Variants in SNTG1 observed in about 807,000 individuals in gnomAD.
SNTG1 encodes syntrophin gamma 1.
In SNTG1, 39 loss-of-function variants were observed where a neutral mutation model predicts 74.7. The ratio of observed to expected loss-of-function variants is 0.52; its 90% CI spans 0.40 to 0.68. The LOEUF is 0.68. Among genes scored for constraint, SNTG1 ranks in the 30% least tolerant of loss-of-function variants. The probability of loss-of-function intolerance (pLI) is 0.00; values close to 1 mark genes in which losing one functional copy is unlikely to be tolerated. For synonymous variants in SNTG1, 254 were observed against 217.1 expected (o/e 1.17, Z -1.49); for missense variants, 685 against 609.5 (o/e 1.12, Z -1.30).
At chr8:50,345,513 T>G (rs2130962787) in intron 2 of SNTG1, among the ~76,000 whole-genome samples, 1 of 152,272 alleles carries the variant, frequency 6.6e-6, no homozygotes. Flanking sequence ...GAATCATATT[T>G]CCACTGTGCC....
chr8:49,974,568 G>A (rs553980532), intron 1 of SNTG1, among the ~76,000 whole-genome samples: 1 of 152,062 alleles, frequency 6.6e-6, no homozygotes, highest in African/African-American at 2.4e-5. Flanking sequence ...AGAGAGCCCT[G>A]GCCTGGCCTA....
At chr8:50,151,532 C>T (rs2082070252) in intron 1 of SNTG1, among the ~76,000 whole-genome samples, 1 of 152,148 alleles carries the variant, frequency 6.6e-6, no homozygotes, top group East Asian at 1.9e-4. Flanking sequence ...TTCCTGCTTT[C>T]TCCTGTGGGC....
intron 1 of SNTG1, among the ~76,000 whole-genome samples, chr8:49,918,608 G>GA (rs57377568): frequency 0.093 from 14,191 of 152,124 alleles, 923 homozygotes; most frequent in South Asian, 0.2. Flanking sequence ...CAAATTGGAG[G>GA]CAGATGTCTT....
chr8:50,105,922 GC>G (rs1406446953), intron 1 of SNTG1, among the ~76,000 whole-genome samples: 2 of 152,022 alleles, frequency 1.3e-5, no homozygotes, highest in Non-Finnish European at 2.9e-5. Flanking sequence ...AGATCTGGAA[GC>G]TTTTGGGTAA....
chr8:50,453,590 C>A (rs1455666682), intron 8 of SNTG1, among the ~76,000 whole-genome samples: 1 of 152,184 alleles, frequency 6.6e-6, no homozygotes, highest in Non-Finnish European at 1.5e-5. Flanking sequence ...ATGAACTAAA[C>A]TTTTCTATCA....
chr8:50,080,067 C>A (rs1305441894), intron 1 of SNTG1, among the ~76,000 whole-genome samples: 1 of 152,016 alleles, frequency 6.6e-6, no homozygotes, highest in Non-Finnish European at 1.5e-5. Flanking sequence ...ATGGCCTTTG[C>A]TGTAATATAA....
intron 18 of SNTG1, among the ~76,000 whole-genome samples, chr8:50,779,877 ATC>A (rs1477427125): frequency 6.6e-6 from 1 of 151,094 alleles, no homozygotes; most frequent in Non-Finnish European, 1.5e-5. Context: ...GATATGTCCC[ATC>A]AATACCTAAT....
chr8:50,775,254 G>T, intron 18 of SNTG1, among the ~76,000 whole-genome samples: 1 of 151,408 alleles, frequency 6.6e-6, no homozygotes, highest in Admixed American at 6.6e-5. Context: ...AAATTGAAAG[G>T]TACTCTAGTG....
At chr8:50,008,290 T>A (rs1357902961) in intron 1 of SNTG1, among the ~76,000 whole-genome samples, 1 of 152,168 alleles carries the variant, frequency 6.6e-6, no homozygotes, top group East Asian at 1.9e-4. Context: ...TTTTCTTGTA[T>A]GAAAATGAGC....
At chr8:50,786,174 A>T (rs2095674579) in intron 18 of SNTG1, among the ~76,000 whole-genome samples, 1 of 152,000 alleles carries the variant, frequency 6.6e-6, no homozygotes, top group African/African-American at 2.4e-5. Context: ...GACTTCTGCA[A>T]GGTTGCAGCA....
chr8:50,149,296 T>C (rs2081981417), intron 1 of SNTG1, among the ~76,000 whole-genome samples: 2 of 152,238 alleles, frequency 1.3e-5, no homozygotes, highest in Non-Finnish European at 1.5e-5. Context: ...TATTAGCACT[T>C]TGCAAGATGA....
At chr8:50,553,353 A>G (rs899327524) in intron 12 of SNTG1, among the ~76,000 whole-genome samples, 174 bp downstream of exon 12, 3 of 152,182 alleles carry the variant, frequency 2.0e-5, no homozygotes, top group African/African-American at 7.2e-5. Flanking sequence ...CCAATTTATG[A>G]GTTCAATAAT....
At chr8:50,662,027 T>G (rs900765782) in intron 15 of SNTG1, among the ~76,000 whole-genome samples, 2 of 152,134 alleles carry the variant, frequency 1.3e-5, no homozygotes, top group African/African-American at 4.8e-5. Context: ...GATTACCTTC[T>G]GGCCTTCTCC....
chr8:50,298,249 T>C (rs2089483128), intron 2 of SNTG1, among the ~76,000 whole-genome samples: 1 of 152,136 alleles, frequency 6.6e-6, no homozygotes, highest in Non-Finnish European at 1.5e-5. Flanking sequence ...GTATTTATAT[T>C]TCAAGAAGTA....
chr8:50,611,147 T>C lies in SNTG1; in HGVS notation c.849+20230T>C, dbSNP rs371519886. Among the ~76,000 whole-genome samples the C allele has an allele frequency of 9.9e-5, 15 of 152,148 alleles. No individual in the cohort carries two copies. In the East Asian group the frequency reaches 2.3e-3, roughly 24 times the overall value. On this transcript the variant is annotated intron_variant, in intron 13 of 18. Transcript: ENST00000642720. ...TGTTATATTAATTATTAAACAGTGG[T>C]TATATGTACAAGAATGCCTGAGAGG...
At chr8:50,026,687 G>A (rs773615394) in intron 1 of SNTG1, among the ~76,000 whole-genome samples, 4 of 151,808 alleles carry the variant, frequency 2.6e-5, no homozygotes, top group Admixed American at 6.6e-5. Context: ...TATATTTATG[G>A]CATTTGTGTG....
chr8:50,376,421 T>G (rs767639408), intron 2 of SNTG1, among the ~76,000 whole-genome samples: 23 of 151,988 alleles, frequency 1.5e-4, no homozygotes, highest in Non-Finnish European at 3.1e-4. Flanking sequence ...GATAATAATT[T>G]TGTGAAAAAA....
At chr8:49,910,709 G>A (rs1044207248), upstream of SNTG1, among the ~76,000 whole-genome samples, 1 of 152,136 alleles carries the variant, frequency 6.6e-6, no homozygotes, top group Admixed American at 6.5e-5. Context: ...TCCGGAGTAG[G>A]GAGGCGAGGG....
chr8:49,914,807 C>A (rs915624665), intron 1 of SNTG1, among the ~76,000 whole-genome samples: 35 of 152,160 alleles, frequency 2.3e-4, no homozygotes, highest in African/African-American at 8.4e-4. Flanking sequence ...TGCTTACTCA[C>A]CTAGTTCTGT....
Sources: allele counts gnomAD v4.1 joint callset (sites outside exome capture counted in the v4.1 genomes callset), GRCh38; gene constraint gnomAD v4.1.1; transcripts MANE v1.5; gene names NCBI Gene and HGNC (gene_info 2026-07-23, HGNC 2026-07-21).